CDH12: variants seen among roughly 807,000 people sequenced by gnomAD.
CDH12 encodes cadherin 12, also known as cadherin-12.
A neutral mutation model predicts 74.1 loss-of-function variants in CDH12; 41 were observed. The observed-to-expected ratio is 0.55, with a 90% confidence interval of 0.43 to 0.72. The LOEUF (loss-of-function observed/expected upper bound fraction) is 0.72. Ranked by LOEUF, CDH12 falls within the 30% of genes least tolerant of loss-of-function variation. The probability of loss-of-function intolerance (pLI) is 0.00; values close to 1 mark genes in which losing one functional copy is unlikely to be tolerated. For missense variants in CDH12, 945 were observed against 977.2 expected, an observed-to-expected ratio of 0.97 and a Z score of 0.44; for synonymous variants, 399 against 355.0, an observed-to-expected ratio of 1.12 and a Z score of -1.39.
chr5:21,872,897 C>CTATCTATCTATCTATCTATCTATCTATA (rs1554039687), intron 6 of CDH12, among the ~76,000 whole-genome samples: 3 of 151,212 alleles, frequency 2.0e-5, no homozygotes, highest in African/African-American at 4.9e-5. Flanking sequence ...TATCATCCAT[C>CTATCTATCTATCTATCTATCTATCTATA]TATCTATCTA....
At chr5:21,941,845 A>C (rs1225071607) in intron 6 of CDH12, among the ~76,000 whole-genome samples, 7 of 151,954 alleles carry the variant, frequency 4.6e-5, no homozygotes, top group African/African-American at 1.7e-4. Flanking sequence ...CATTTGGAAG[A>C]ATGTTTTGTT....
chr5:22,353,208 T>A (rs1285119059), intron 3 of CDH12, among the ~76,000 whole-genome samples: 1 of 152,220 alleles, frequency 6.6e-6, no homozygotes, highest in African/African-American at 2.4e-5. Flanking sequence ...AACCACATAA[T>A]TGATTTTAAA....
At chr5:22,330,802 C>G (rs1739320402) in intron 3 of CDH12, among the ~76,000 whole-genome samples, 1 of 151,054 alleles carries the variant, frequency 6.6e-6, no homozygotes, top group Non-Finnish European at 1.5e-5. Context: ...GTCTTCCACT[C>G]TAGGTATCAG....
At chr5:22,240,499 G>T (rs1214989118) in intron 3 of CDH12, among the ~76,000 whole-genome samples, 8 of 152,118 alleles carry the variant, frequency 5.3e-5, no homozygotes, top group African/African-American at 1.9e-4. Flanking sequence ...AATCATTTTT[G>T]GGAAGAGGAC....
intron 13 of CDH12, 39 bp downstream of exon 13, chr5:21,760,519 T>C (rs1394929669): frequency 6.3e-6 from 6 of 956,652 alleles, no homozygotes; most frequent in Non-Finnish European, 1.0e-5. Flanking sequence ...TTTACAAAGA[T>C]ACATGATAAG....
At chr5:22,122,264 A>G (rs948629411) in intron 4 of CDH12, among the ~76,000 whole-genome samples, 3 of 152,028 alleles carry the variant, frequency 2.0e-5, no homozygotes, top group African/African-American at 7.2e-5. Context: ...TTAGGTGGGC[A>G]TGGCGGCACA....
chr5:22,029,128 C>T (rs1738615801), intron 5 of CDH12, among the ~76,000 whole-genome samples: 1 of 152,204 alleles, frequency 6.6e-6, no homozygotes, highest in Admixed American at 6.5e-5. Context: ...GGATTAAAGA[C>T]TTAAATGTTA....
intron 6 of CDH12, among the ~76,000 whole-genome samples, chr5:21,945,035 AT>A (rs772556536): frequency 2.5e-4 from 38 of 152,302 alleles, no homozygotes; most frequent in East Asian, 7.7e-4. Flanking sequence ...ATATAAAAAA[AT>A]ATTCAGGACA....
At chr5:22,066,310 C>T (rs1580195299) in intron 5 of CDH12, among the ~76,000 whole-genome samples, 1 of 152,196 alleles carries the variant, frequency 6.6e-6, no homozygotes, top group South Asian at 2.1e-4. Context: ...ATTCCTTACC[C>T]CCTTCCCATC....
At chr5:21,859,975 C>T (rs192482347) in intron 6 of CDH12, among the ~76,000 whole-genome samples, 134 of 151,788 alleles carry the variant, frequency 8.8e-4, no homozygotes, top group Middle Eastern at 3.4e-3. Flanking sequence ...ACAATTGGCC[C>T]GGACTCTTCA....
At chr5:22,058,676 A>C (rs1740931144) in intron 5 of CDH12, among the ~76,000 whole-genome samples, 1 of 151,586 alleles carries the variant, frequency 6.6e-6, no homozygotes, top group African/African-American at 2.4e-5. Context: ...GAAAGGAGAA[A>C]AAAAGAAAGA....
intron 1 of CDH12, among the ~76,000 whole-genome samples, chr5:22,553,638 T>C (rs1738674004): frequency 6.6e-6 from 1 of 152,044 alleles, no homozygotes; most frequent in Non-Finnish European, 1.5e-5. Context: ...ACTAAACAAA[T>C]GGAGAGATAT....
At chr5:22,101,725 A>G (rs925489397) in intron 4 of CDH12, among the ~76,000 whole-genome samples, 5 of 152,254 alleles carry the variant, frequency 3.3e-5, no homozygotes, top group African/African-American at 1.2e-4. Flanking sequence ...AAAGAAGTAG[A>G]AAATATTATT....
At chr5:22,353,319 C>T (rs1342000174) in intron 3 of CDH12, among the ~76,000 whole-genome samples, 1 of 152,030 alleles carries the variant, frequency 6.6e-6, no homozygotes, top group Non-Finnish European at 1.5e-5. Flanking sequence ...TGACTGAACC[C>T]ACTAATATCT....
At chr5:21,871,538 G>A (rs1369435200) in intron 6 of CDH12, among the ~76,000 whole-genome samples, 1 of 152,052 alleles carries the variant, frequency 6.6e-6, no homozygotes, top group African/African-American at 2.4e-5. Flanking sequence ...TTCGCGACCA[G>A]CCTGACCAAC....
intron 8 of CDH12, among the ~76,000 whole-genome samples, chr5:21,818,607 C>T (rs1363711689): frequency 1.3e-5 from 2 of 151,796 alleles, no homozygotes; most frequent in African/African-American, 4.8e-5. Flanking sequence ...ATATTATCTC[C>T]ATGGAACATA....
intron 7 of CDH12, among the ~76,000 whole-genome samples, chr5:21,847,094 A>G (rs1367485318): frequency 6.6e-6 from 1 of 152,070 alleles, no homozygotes; most frequent in Non-Finnish European, 1.5e-5. Context: ...TCCACTCTGA[A>G]GTCATCACAG....
At chr5:21,920,868 G>A (rs1754321320) in intron 6 of CDH12, among the ~76,000 whole-genome samples, 1 of 152,058 alleles carries the variant, frequency 6.6e-6, no homozygotes, top group South Asian at 2.1e-4. Context: ...AAGTAACTGA[G>A]TGAAACAGGA....
chr5:22,472,098 A>C (rs1745982262), intron 2 of CDH12, among the ~76,000 whole-genome samples: 1 of 152,166 alleles, frequency 6.6e-6, no homozygotes, highest in Non-Finnish European at 1.5e-5. Context: ...TGATATGTCA[A>C]GGGTGGAAGA....
Sources: gnomAD v4.1 joint callset for allele counts (sites outside exome capture counted in the v4.1 genomes callset) on GRCh38, gnomAD v4.1.1 for gene constraint, MANE v1.5 for transcripts, NCBI Gene and HGNC (gene_info 2026-07-23, HGNC 2026-07-21) for gene names.